TBC1D2: variants seen among roughly 807,000 people sequenced by gnomAD.
TBC1D2 encodes TBC1 domain family member 2, also known as TBC1 domain family member 2A.
In TBC1D2, 58 loss-of-function variants were observed where a neutral mutation model predicts 91.1. The observed-to-expected ratio is 0.64, with a 90% CI of 0.52 to 0.79. TBC1D2 has a LOEUF of 0.79. TBC1D2 is among the 30% of genes least tolerant of loss of function. The pLI, the probability that TBC1D2 is intolerant of heterozygous loss-of-function variation, is 0.00. For synonymous variants in TBC1D2, 482 were observed against 511.5 expected (o/e 0.94, Z 0.78); for missense variants, 1,080 against 1,208.3 (o/e 0.89, Z 1.57).
intron 2 of TBC1D2, among the ~76,000 whole-genome samples, chr9:98,246,608 G>A (rs1340332508): frequency 6.6e-6 from 1 of 152,122 alleles, no homozygotes; most frequent in Non-Finnish European, 1.5e-5. Flanking sequence ...GGGAAAAAGT[G>A]CACACCTGGG....
Position 98,244,141 on chromosome 9 carries a change from GA to G in TBC1D2, c.512-13del, listed in dbSNP as rs751640594. The G allele has an allele frequency of 3.1e-6, 5 of 1,612,576 alleles. No individual in the cohort carries two copies. Among genetic ancestry groups the G allele is most frequent in the Non-Finnish European group, 2.5e-6 (3 of 1,179,352 alleles). On this transcript the variant is annotated splice_polypyrimidine_tract_variant and intron_variant, in intron 2 of 12. Transcript: ENST00000465784. The stretch of plus-strand genomic sequence containing the variant: ...TGCCTCTTCTTGCCCTGGGAACAAA[GA>G]AAAGGGAAATCCATCAGCTGGGTCA...
chr9:98,208,972 CTGA>C lies in TBC1D2; in HGVS notation c.1843_1845del (p.Ser615del), dbSNP rs1448383004. 14 of 1,614,118 alleles carry C rather than the reference CTGA, an allele frequency of 8.7e-6. No individual in the cohort carries two copies. The highest frequency in any genetic ancestry group is 1.2e-5 in the Non-Finnish European group (14 of 1,180,020). ...GCCCGCAGTAGCTGCTTGAGCTCGG[CTGA>C]GGGCACAAGATCGCCCAGGGCAGCC... On this transcript the variant is annotated inframe_deletion, in exon 9 of 13. Coordinates refer to ENST00000465784, the MANE Select transcript of TBC1D2 (RefSeq NM_001267571.2).
At chr9:98,205,543 G>A (rs1160655617) in intron 9 of TBC1D2, among the ~76,000 whole-genome samples, 1 of 152,136 alleles carries the variant, frequency 6.6e-6, no homozygotes, top group East Asian at 1.9e-4. Context: ...CAAACATGCA[G>A]TTCCTTTTCT....
chr9:98,243,871 T>C (rs1403609121), intron 3 of TBC1D2, 123 bp downstream of exon 3: 2 of 1,317,872 alleles, frequency 1.5e-6, no homozygotes, highest in African/African-American at 3.0e-5. Flanking sequence ...TGTGATTAAT[T>C]GAAAATAAAG....
chr9:98,252,797 G>C (rs1324294812), intron 1 of TBC1D2, among the ~76,000 whole-genome samples: 1 of 152,166 alleles, frequency 6.6e-6, no homozygotes, highest in East Asian at 1.9e-4. Flanking sequence ...ACCGGGCGTG[G>C]ATGGGGATTC....
intron 5 of TBC1D2, among the ~76,000 whole-genome samples, chr9:98,222,568 T>A (rs2119091114): frequency 6.6e-6 from 1 of 152,344 alleles, no homozygotes; most frequent in Non-Finnish European, 1.5e-5. Flanking sequence ...AGCCTGTAAT[T>A]TCCCCAGGGA....
chr9:98,229,986 T>C (rs1215416251), intron 4 of TBC1D2, among the ~76,000 whole-genome samples: 1 of 152,220 alleles, frequency 6.6e-6, no homozygotes, highest in African/African-American at 2.4e-5. Flanking sequence ...TGTTTTTAAG[T>C]CATCAAAATT....
At chr9:98,239,767 G>T (rs1291939594) in intron 3 of TBC1D2, among the ~76,000 whole-genome samples, 1 of 151,346 alleles carries the variant, frequency 6.6e-6, no homozygotes, top group Admixed American at 6.6e-5. Context: ...TTAAATATTT[G>T]GTGGACTTCA....
At chr9:98,220,760 G>A in intron 6 of TBC1D2, 73 bp downstream of exon 6, 1 of 1,568,476 alleles carries the variant, frequency 6.4e-7, no homozygotes, top group Non-Finnish European at 8.7e-7. Flanking sequence ...CCTTAGGGGT[G>A]GAGAGCGCAC....
intron 1 of TBC1D2, among the ~76,000 whole-genome samples, chr9:98,254,579 A>G (rs1377871733): frequency 1.3e-5 from 2 of 152,152 alleles, no homozygotes; most frequent in Admixed American, 6.5e-5. Flanking sequence ...TCTCAGTTAC[A>G]CATGATGATA....
chr9:98,211,659 G>A (rs560073244), intron 7 of TBC1D2, among the ~76,000 whole-genome samples: 24 of 152,182 alleles, frequency 1.6e-4, no homozygotes, highest in African/African-American at 4.6e-4. Context: ...ACCCTTGCCC[G>A]GTCGCCATCT....
At chr9:98,246,198 C>T (rs547875405) in intron 2 of TBC1D2, among the ~76,000 whole-genome samples, 116 of 152,266 alleles carry the variant, frequency 7.6e-4, no homozygotes, top group African/African-American at 2.4e-3. Context: ...CTGAGACCTA[C>T]CAGGGCAGCA....
chr9:98,209,039 C>T lies in TBC1D2; in HGVS notation c.1779G>A (p.Leu593=). 1.2e-5 allele frequency: 19 copies of T among 1,614,200 alleles called. No individual in the cohort carries two copies. The highest frequency in any genetic ancestry group is 1.6e-5 in the Non-Finnish European group (19 of 1,180,046). ...QALESRSHHL[L]GLEAVDRPLR... The stretch of plus-strand genomic sequence containing the variant: ...GCGGCCGATCCACAGCCTCGAGGCC[C>T]AGCAGGTGGTGGGATCGTGACTCCA... The change falls in exon 9 of 13, where the codon CTG becomes CTA. Residue 593 remains leucine, a synonymous_variant. Coordinates refer to ENST00000465784, the MANE Select transcript of TBC1D2 (RefSeq NM_001267571.2).
intron 6 of TBC1D2, 117 bp from the exon 7 acceptor site, chr9:98,213,335 G>T: frequency 6.6e-7 from 1 of 1,515,392 alleles, no homozygotes; most frequent in Non-Finnish European, 8.8e-7. Flanking sequence ...TCCAATAATG[G>T]CAACAGAAGA....
At chr9:98,253,807 A>C (rs1257636275) in intron 1 of TBC1D2, among the ~76,000 whole-genome samples, 1 of 152,144 alleles carries the variant, frequency 6.6e-6, no homozygotes, top group Non-Finnish European at 1.5e-5. Flanking sequence ...TCTCTACAGA[A>C]CATTTCAGGG....
At chr9:98,236,538 T>C (rs1312985746) in intron 3 of TBC1D2, among the ~76,000 whole-genome samples, 3 of 152,190 alleles carry the variant, frequency 2.0e-5, no homozygotes, top group East Asian at 3.8e-4. Context: ...CAGATTTTTA[T>C]ATTGGTTTTC....
At chr9:98,212,248 C>T (rs1312519384) in intron 7 of TBC1D2, among the ~76,000 whole-genome samples, 2 of 152,170 alleles carry the variant, frequency 1.3e-5, no homozygotes, top group African/African-American at 2.4e-5. Flanking sequence ...TCCTTCAGCT[C>T]CCCAGTTTCC....
intron 4 of TBC1D2, among the ~76,000 whole-genome samples, chr9:98,230,999 T>C (rs1829354896): frequency 6.6e-6 from 1 of 152,170 alleles, no homozygotes; most frequent in Non-Finnish European, 1.5e-5. Flanking sequence ...CTCAGAAATA[T>C]GTACTACCTC....
chr9:98,225,755 C>T lies in TBC1D2; in HGVS notation c.978+3197G>A, dbSNP rs140488705. 5.4e-3 allele frequency among the ~76,000 whole-genome samples: 829 copies of T among 152,340 alleles called. 4 individuals carry two copies. The highest frequency in any genetic ancestry group is 0.019 in the South Asian group (90 of 4,828). On this transcript the variant is annotated intron_variant, in intron 5 of 12. Coordinates refer to ENST00000465784, the MANE Select transcript of TBC1D2 (RefSeq NM_001267571.2). ...GGGCCGCGCTTCATACCAGCAGTTC[C>T]CATGCTCACATCTTCTCTTCCCCAC...
Sources: allele counts gnomAD v4.1 joint callset (sites outside exome capture counted in the v4.1 genomes callset), GRCh38; gene constraint gnomAD v4.1.1; transcripts MANE v1.5; gene names NCBI Gene and HGNC (gene_info 2026-07-23, HGNC 2026-07-21).